The following ASTN2 variants were observed in gnomAD, a reference collection of about 807,000 sequenced individuals.
ASTN2 encodes the protein astrotactin 2.
Under a neutral mutation model 139.8 loss-of-function variants are expected in ASTN2, and 54 were observed. The ratio of observed to expected loss-of-function variants is 0.39; its 90% confidence interval spans 0.31 to 0.48. The LOEUF (loss-of-function observed/expected upper bound fraction) is 0.48. ASTN2 is among the 20% of genes least tolerant of loss of function. The pLI is 0.95. For missense variants in ASTN2, 1,565 were observed against 1,725.1 expected (o/e 0.91, Z 1.64); for synonymous variants, 756 against 719.5 (o/e 1.05, Z -0.81).
intron 2 of ASTN2, among the ~76,000 whole-genome samples, chr9:117,248,366 T>G (rs1379647892): frequency 1.3e-5 from 2 of 151,974 alleles, no homozygotes; most frequent in Non-Finnish European, 2.9e-5. Context: ...AAAAGAGGAG[T>G]GACAGCTCCA....
At chr9:117,155,258 C>T (rs538834652) in intron 3 of ASTN2, among the ~76,000 whole-genome samples, 2 of 152,112 alleles carry the variant, frequency 1.3e-5, no homozygotes, top group South Asian at 4.1e-4. Context: ...TCTTCTCTAT[C>T]CCCTTCCCAA....
intron 5 of ASTN2, among the ~76,000 whole-genome samples, chr9:117,086,359 G>T (rs184056393): frequency 3.9e-5 from 6 of 152,254 alleles, no homozygotes; most frequent in South Asian, 2.1e-4. Context: ...CGGATCACAA[G>T]GTCATGAAAT....
At chr9:116,453,772 G>C (rs1259351632) in intron 20 of ASTN2, among the ~76,000 whole-genome samples, 2 of 152,110 alleles carry the variant, frequency 1.3e-5, no homozygotes. Context: ...GTTCTGGAGG[G>C]TGTTGTTTTT....
Position 116,498,037 on chromosome 9 carries a change from G to T in ASTN2, c.3356-10537C>A, listed in dbSNP as rs12341444. 8.4e-3 allele frequency among the ~76,000 whole-genome samples: 1,282 copies of T among 152,222 alleles called. 13 individuals carry two copies. Among genetic ancestry groups the T allele is most frequent in the African/African-American group, 0.028 (1,167 of 41,522 alleles). ...AGGTTGCTGACGGTGGGCCCTAGGA[G>T]CCCCTCTGTCCACAAATGTGATGAA... On this transcript the variant is annotated intron_variant, in intron 19 of 22. Transcript: ENST00000313400.
chr9:117,115,614 G>C (rs10115659), intron 4 of ASTN2, among the ~76,000 whole-genome samples: 2 of 152,102 alleles, frequency 1.3e-5, no homozygotes, highest in Non-Finnish European at 2.9e-5. Flanking sequence ...GGAAACCTTG[G>C]ACAACAAATA....
intron 10 of ASTN2, among the ~76,000 whole-genome samples, chr9:116,884,094 C>A (rs1010630783): frequency 6.6e-6 from 1 of 152,196 alleles, no homozygotes; most frequent in Admixed American, 6.5e-5. Context: ...AGATGAAGAT[C>A]AAGCGGAGTG....
chr9:116,683,928 T>C (rs569987550), intron 16 of ASTN2, among the ~76,000 whole-genome samples: 8 of 152,330 alleles, frequency 5.3e-5, no homozygotes, highest in South Asian at 4.1e-4. Context: ...TCAAAATTAA[T>C]GTATAGAGCC....
intron 13 of ASTN2, among the ~76,000 whole-genome samples, chr9:116,758,262 G>A (rs992947614): frequency 4.6e-5 from 7 of 152,146 alleles, no homozygotes; most frequent in African/African-American, 1.7e-4. Flanking sequence ...AAAGAAAAAG[G>A]CCTCGCACAA....
intron 13 of ASTN2, among the ~76,000 whole-genome samples, chr9:116,792,113 G>A (rs1291207068): frequency 1.3e-5 from 2 of 151,580 alleles, no homozygotes; most frequent in East Asian, 1.9e-4. Flanking sequence ...CCATAAATAC[G>A]GGGAAAGATT....
chr9:117,008,842 A>G (rs902765211), intron 6 of ASTN2, among the ~76,000 whole-genome samples: 1 of 152,228 alleles, frequency 6.6e-6, no homozygotes, highest in African/African-American at 2.4e-5. Flanking sequence ...AATAGCATCC[A>G]GGCCTCCTCA....
intron 19 of ASTN2, among the ~76,000 whole-genome samples, chr9:116,547,896 G>A (rs942215432): frequency 4.6e-5 from 7 of 152,118 alleles, no homozygotes; most frequent in East Asian, 3.9e-4. Flanking sequence ...CAGCCTCTGC[G>A]TGGGGTGCAT....
chr9:116,633,063 C>G (rs189171748), intron 17 of ASTN2, among the ~76,000 whole-genome samples: 2 of 152,196 alleles, frequency 1.3e-5, no homozygotes, highest in Non-Finnish European at 1.5e-5. Flanking sequence ...GCTCAGTCAT[C>G]GGGGCAATAG....
intron 19 of ASTN2, among the ~76,000 whole-genome samples, chr9:116,556,151 A>G (rs1175900555): frequency 2.6e-5 from 4 of 152,222 alleles, no homozygotes; most frequent in Non-Finnish European, 5.9e-5. Context: ...ATATGAATAA[A>G]TAATTGGAAT....
chr9:116,924,254 TAA>T (rs1312741464), intron 10 of ASTN2, among the ~76,000 whole-genome samples: 4,483 of 142,886 alleles, frequency 0.031, 227 homozygotes, highest in African/African-American at 0.1. Context: ...ACTAAAAATA[TAA>T]AAAAAAAAAA....
intron 13 of ASTN2, among the ~76,000 whole-genome samples, chr9:116,797,012 G>A (rs1830712647): frequency 6.7e-6 from 1 of 149,850 alleles, no homozygotes; most frequent in East Asian, 1.9e-4. Context: ...GTAGATATGT[G>A]ATATCACTAT....
intron 13 of ASTN2, among the ~76,000 whole-genome samples, chr9:116,802,893 C>T (rs1187564817): frequency 1.3e-5 from 2 of 152,216 alleles, no homozygotes; most frequent in Non-Finnish European, 2.9e-5. Context: ...CCCTTTAACT[C>T]TTATCTGTCC....
chr9:116,993,353 A>G (rs1445551381), intron 7 of ASTN2, among the ~76,000 whole-genome samples: 1 of 151,970 alleles, frequency 6.6e-6, no homozygotes, highest in Non-Finnish European at 1.5e-5. Context: ...GATATCCACA[A>G]GGCATGCTTT....
At chr9:116,718,456 T>A (rs1251364554) in intron 16 of ASTN2, among the ~76,000 whole-genome samples, 1 of 152,166 alleles carries the variant, frequency 6.6e-6, no homozygotes, top group African/African-American at 2.4e-5. Flanking sequence ...CATGATGGGA[T>A]CTCTATTTTA....
intron 1 of ASTN2, among the ~76,000 whole-genome samples, chr9:117,363,369 T>G (rs1396573145): frequency 6.6e-6 from 1 of 152,200 alleles, no homozygotes; most frequent in Non-Finnish European, 1.5e-5. Context: ...TCAACAGCCC[T>G]GCAAATTGGC....
Sources: allele counts gnomAD v4.1 joint callset (sites outside exome capture counted in the v4.1 genomes callset), GRCh38; gene constraint gnomAD v4.1.1; transcripts MANE v1.5; gene names NCBI Gene and HGNC (gene_info 2026-07-23, HGNC 2026-07-21).